KIAA0825: variants seen among roughly 807,000 people sequenced by gnomAD.
KIAA0825 encodes uncharacterized protein KIAA0825.
In KIAA0825, 119 loss-of-function variants were observed where a neutral mutation model predicts 147.6. The ratio of observed to expected loss-of-function variants is 0.81; its 90% CI spans 0.69 to 0.94. The LOEUF is 0.94. Ranked by LOEUF, KIAA0825 falls within the 40% of genes least tolerant of loss-of-function variation. The pLI, the probability that KIAA0825 is intolerant of heterozygous loss-of-function variation, is 0.00. For missense variants in KIAA0825, 1,381 were observed against 1,472.7 expected, an observed-to-expected ratio of 0.94 and a Z score of 1.02; for synonymous variants, 470 against 518.1, an observed-to-expected ratio of 0.91 and a Z score of 1.26.
In KIAA0825 at chr5:94,601,943, G is replaced by A. The variant is rs561960147; in HGVS notation, c.-153+16557C>T. 5.3e-5 allele frequency among the ~76,000 whole-genome samples: 8 copies of A among 152,252 alleles called. No individual in the cohort carries two copies. The East Asian group carries it at 5.8e-4, about 11-fold the overall frequency. On this transcript the variant is annotated intron_variant, in intron 1 of 20. Transcript: ENST00000682413. ...CTGGTGTACCTGAAAGAACTGAGGC[G>A]AATGGAACCAATTTGGAAAACATAT...
chr5:94,266,984 T>C (rs749269793), intron 20 of KIAA0825, among the ~76,000 whole-genome samples: 1 of 152,160 alleles, frequency 6.6e-6, no homozygotes, highest in Non-Finnish European at 1.5e-5. Context: ...TCTGGTAAGT[T>C]AATGAATCCC....
At chr5:94,434,190 C>A (rs997862761) in intron 14 of KIAA0825, among the ~76,000 whole-genome samples, 1 of 152,198 alleles carries the variant, frequency 6.6e-6, no homozygotes, top group East Asian at 1.9e-4. Context: ...AAGCCACCTA[C>A]CATGTGAAAT....
intron 20 of KIAA0825, among the ~76,000 whole-genome samples, chr5:94,229,991 C>G (rs2196819): frequency 0.013 from 2,049 of 152,118 alleles, 24 homozygotes; most frequent in Non-Finnish European, 0.018. Flanking sequence ...TTTAGGCTAT[C>G]TAGGTAATTC....
At chr5:94,536,973 T>C (rs1231276692) in intron 3 of KIAA0825, 23 bp downstream of exon 3, 2 of 1,539,402 alleles carry the variant, frequency 1.3e-6, no homozygotes, top group Non-Finnish European at 8.9e-7. Flanking sequence ...AACAACTTGT[T>C]TTAAATAATT....
intron 8 of KIAA0825, 75 bp downstream of exon 8, chr5:94,473,217 C>A: frequency 8.7e-7 from 1 of 1,154,354 alleles, no homozygotes; most frequent in East Asian, 2.6e-5. Flanking sequence ...ATCTACAGGT[C>A]CTTTTTGCAA....
At position 94,152,847 on chromosome 5, in the gene KIAA0825, A is replaced by T. The variant is rs1766624429; in HGVS notation, c.*1160T>A. ...AAAAAAAAAAAAAAAAAAAAAAAAA[A>T]AAAAAAAATTATATATATATATATA... On this transcript the variant is annotated 3_prime_UTR_variant, in exon 21 of 21. Transcript: ENST00000682413. The T allele has an allele frequency of 7.3e-4, 22 of 30,128 alleles. No homozygotes were observed. The highest frequency in any genetic ancestry group is 1.2e-3 in the Non-Finnish European group (18 of 14,742). The allele number at this position is 30,128 out of a possible 1,614,324, so 1.9% of individuals were successfully genotyped here. A position where few individuals can be genotyped will look rare whatever the true frequency, so the allele number is the denominator to read the frequency against.
intron 20 of KIAA0825, among the ~76,000 whole-genome samples, chr5:94,208,159 A>G (rs1197021477): frequency 2.0e-5 from 3 of 152,228 alleles, no homozygotes; most frequent in Admixed American, 6.5e-5. Flanking sequence ...GGAAAATATC[A>G]TCAAAGCTAA....
intron 2 of KIAA0825, among the ~76,000 whole-genome samples, chr5:94,539,064 T>C (rs1360354584): frequency 1.3e-5 from 2 of 152,134 alleles, no homozygotes; most frequent in Non-Finnish European, 2.9e-5. Flanking sequence ...GTACAGATCA[T>C]AAAGATCCTG....
intron 5 of KIAA0825, among the ~76,000 whole-genome samples, chr5:94,510,407 T>A (rs899694136): frequency 6.6e-6 from 1 of 152,210 alleles, no homozygotes; most frequent in African/African-American, 2.4e-5. Flanking sequence ...AGAAATAGCG[T>A]AATTTATACT....
intron 12 of KIAA0825, among the ~76,000 whole-genome samples, chr5:94,460,146 G>C (rs554339162): frequency 6.6e-6 from 1 of 152,244 alleles, no homozygotes; most frequent in East Asian, 1.9e-4. Flanking sequence ...GTGTGGGGAT[G>C]TGTATGAACA....
intron 20 of KIAA0825, among the ~76,000 whole-genome samples, chr5:94,308,750 C>G (rs151302984): frequency 2.6e-5 from 4 of 151,864 alleles, no homozygotes; most frequent in African/African-American, 9.6e-5. Flanking sequence ...TAGATCTAAT[C>G]AGGTGCTCAA....
At chr5:94,391,424 G>A (rs760379982) in intron 18 of KIAA0825, 111 bp downstream of exon 18, 4 of 979,398 alleles carry the variant, frequency 4.1e-6, no homozygotes, top group Non-Finnish European at 6.1e-6. Context: ...ATTGAGTTTG[G>A]TATTGACTTT....
At chr5:94,214,845 C>T (rs1773061389) in intron 20 of KIAA0825, among the ~76,000 whole-genome samples, 1 of 152,076 alleles carries the variant, frequency 6.6e-6, no homozygotes, top group African/African-American at 2.4e-5. Flanking sequence ...AGGGCCTAGC[C>T]TGAGTTTTGA....
chr5:94,419,440 C>A (rs1753888005), intron 14 of KIAA0825, among the ~76,000 whole-genome samples: 1 of 152,104 alleles, frequency 6.6e-6, no homozygotes, highest in Non-Finnish European at 1.5e-5. Context: ...AATTCCTTAT[C>A]CTGATTGAGG....
At chr5:94,186,548 T>C (rs1293078783) in intron 20 of KIAA0825, among the ~76,000 whole-genome samples, 1 of 152,182 alleles carries the variant, frequency 6.6e-6, no homozygotes, top group Non-Finnish European at 1.5e-5. Flanking sequence ...AAATATATGG[T>C]GAAAAGTACA....
intron 2 of KIAA0825, among the ~76,000 whole-genome samples, chr5:94,550,077 C>T (rs1188704301): frequency 1.3e-5 from 2 of 151,984 alleles, no homozygotes; most frequent in East Asian, 1.9e-4. Flanking sequence ...TAAAAAAGAA[C>T]GAGATCCTGT....
intron 14 of KIAA0825, among the ~76,000 whole-genome samples, chr5:94,438,378 T>C (rs979023185): frequency 1.3e-5 from 2 of 152,188 alleles, no homozygotes; most frequent in African/African-American, 2.4e-5. Context: ...ATAAATGTTG[T>C]TTATGTGAGG....
At chr5:94,303,888 G>C (rs1330422609) in intron 20 of KIAA0825, among the ~76,000 whole-genome samples, 1 of 151,956 alleles carries the variant, frequency 6.6e-6, no homozygotes, top group African/African-American at 2.4e-5. Flanking sequence ...TGGCCACAGA[G>C]AGATTCATTA....
At chr5:94,425,428 G>A (rs1289930189) in intron 14 of KIAA0825, among the ~76,000 whole-genome samples, 3 of 152,106 alleles carry the variant, frequency 2.0e-5, no homozygotes, top group Non-Finnish European at 2.9e-5. Context: ...AGAAAATACA[G>A]TATCCCTTTG....
Sources: gnomAD v4.1 joint callset for allele counts (sites outside exome capture counted in the v4.1 genomes callset) on GRCh38, gnomAD v4.1.1 for gene constraint, MANE v1.5 for transcripts, NCBI Gene and HGNC (gene_info 2026-07-23, HGNC 2026-07-21) for gene names.